The following ESRRG variants were observed in gnomAD, a reference collection of about 807,000 sequenced individuals.
The protein encoded by ESRRG is estrogen-related receptor gamma.
ESRRG carries 13 observed loss-of-function variants against 44.0 expected under a neutral mutation model. The ratio of observed to expected loss-of-function variants is 0.30; its 90% CI spans 0.19 to 0.47. The LOEUF is 0.47. Among genes scored for constraint, ESRRG ranks in the 20% least tolerant of loss-of-function variants. ESRRG has a pLI of 1.00. For missense variants in ESRRG, 395 were observed against 580.6 expected, an observed-to-expected ratio of 0.68 and a Z score of 3.29; for synonymous variants, 215 against 214.6, an observed-to-expected ratio of 1.00 and a Z score of -0.02.
chr1:216,660,624 G>A (rs947943169), intron 2 of ESRRG, among the ~76,000 whole-genome samples: 6 of 152,218 alleles, frequency 3.9e-5, no homozygotes, highest in African/African-American at 1.4e-4. Context: ...AGAGCACTTT[G>A]TGTAGCTGTT....
chr1:216,784,024 G>T (rs1559625836), intron 2 of ESRRG, among the ~76,000 whole-genome samples: 1 of 151,866 alleles, frequency 6.6e-6, no homozygotes, highest in Admixed American at 6.6e-5. Flanking sequence ...TTTCTTTCTT[G>T]ATCTCTTAGT....
chr1:216,866,593 A>G (rs1370209054), intron 2 of ESRRG, among the ~76,000 whole-genome samples: 1 of 144,168 alleles, frequency 6.9e-6, no homozygotes, highest in East Asian at 2.0e-4. Context: ...TTTCTTTGAG[A>G]TAGGGTCTTA....
chr1:216,860,680 C>T (rs950251393), intron 2 of ESRRG, among the ~76,000 whole-genome samples: 4 of 152,008 alleles, frequency 2.6e-5, no homozygotes, highest in African/African-American at 9.7e-5. Context: ...TATATTTGTA[C>T]GTATATACAA....
At chr1:216,704,110 G>C (rs2081991850) in intron 1 of ESRRG, among the ~76,000 whole-genome samples, 1 of 152,142 alleles carries the variant, frequency 6.6e-6, no homozygotes, top group Non-Finnish European at 1.5e-5. Context: ...TATAGACCTT[G>C]CTTATTTAAA....
intron 2 of ESRRG, among the ~76,000 whole-genome samples, chr1:216,739,532 T>C (rs1458317925): frequency 2.6e-5 from 4 of 152,144 alleles, no homozygotes; most frequent in African/African-American, 9.7e-5. Flanking sequence ...TTTATACCAG[T>C]AGTTCTCAAA....
chr1:216,978,471 G>A (rs901262915), intron 1 of ESRRG, among the ~76,000 whole-genome samples: 1 of 152,124 alleles, frequency 6.6e-6, no homozygotes, highest in African/African-American at 2.4e-5. Flanking sequence ...TTCACACAGA[G>A]AATAAAATTT....
At chr1:216,618,568 GCTTA>G (rs2061737312) in intron 3 of ESRRG, among the ~76,000 whole-genome samples, 1 of 152,078 alleles carries the variant, frequency 6.6e-6, no homozygotes. Context: ...ACATTATGTG[GCTTA>G]CTTTCATTTT....
chr1:216,535,229 C>T (rs1572481306), intron 5 of ESRRG, among the ~76,000 whole-genome samples: 1 of 152,234 alleles, frequency 6.6e-6, no homozygotes, highest in Non-Finnish European at 1.5e-5. Context: ...GCTGTGTAAA[C>T]TTCAGGCAGT....
intron 3 of ESRRG, among the ~76,000 whole-genome samples, chr1:216,606,598 A>AC (rs1157713165): frequency 2.6e-5 from 4 of 152,104 alleles, no homozygotes; most frequent in African/African-American, 9.7e-5. Flanking sequence ...CACTCCCCCC[A>AC]CAACCCAATT....
chr1:216,661,308 A>C (rs1358537038), intron 2 of ESRRG, among the ~76,000 whole-genome samples: 1 of 152,186 alleles, frequency 6.6e-6, no homozygotes, highest in African/African-American at 2.4e-5. Context: ...TGAGCTGACT[A>C]TAACCTCCAA....
chr1:216,535,295 C>T (rs927550872), intron 5 of ESRRG, among the ~76,000 whole-genome samples: 53 of 152,058 alleles, frequency 3.5e-4, no homozygotes, highest in Non-Finnish European at 2.8e-4. Context: ...CTGGATGATG[C>T]TCTCTCTGGT....
chr1:216,815,804 G>GTAGAC (rs2095117448), intron 2 of ESRRG, among the ~76,000 whole-genome samples: 2 of 152,346 alleles, frequency 1.3e-5, no homozygotes, highest in South Asian at 4.1e-4. Flanking sequence ...GCATAAGGGT[G>GTAGAC]TAGACTATTT....
intron 1 of ESRRG, among the ~76,000 whole-genome samples, chr1:217,037,752 C>T (rs961817575): frequency 6.6e-6 from 1 of 152,126 alleles, no homozygotes; most frequent in Non-Finnish European, 1.5e-5. Context: ...AAGTCCCTTC[C>T]ACCAAGAGCC....
At chr1:216,683,367 C>G (rs867882352) in intron 1 of ESRRG, among the ~76,000 whole-genome samples, 1 of 152,156 alleles carries the variant, frequency 6.6e-6, no homozygotes, top group Non-Finnish European at 1.5e-5. Flanking sequence ...TGAGCCCTAT[C>G]TAATAGAATG....
At chr1:216,678,378 T>A (rs1000808537) in intron 1 of ESRRG, among the ~76,000 whole-genome samples, 8 of 152,244 alleles carry the variant, frequency 5.3e-5, no homozygotes, top group African/African-American at 1.9e-4. Context: ...ATGTATATTA[T>A]CTGATACTAT....
chr1:216,951,487 C>T (rs1294272896), intron 1 of ESRRG, among the ~76,000 whole-genome samples: 1 of 152,054 alleles, frequency 6.6e-6, no homozygotes, highest in African/African-American at 2.4e-5. Flanking sequence ...GCTTATTGAT[C>T]TTACGGGCTT....
At chr1:216,779,981 G>A (rs2093867750) in intron 2 of ESRRG, among the ~76,000 whole-genome samples, 1 of 151,664 alleles carries the variant, frequency 6.6e-6, no homozygotes, top group South Asian at 2.1e-4. Flanking sequence ...TAAGATAGAA[G>A]CATGTTTGTT....
intron 3 of ESRRG, among the ~76,000 whole-genome samples, chr1:216,579,306 T>G (rs1160568653): frequency 6.6e-6 from 1 of 152,152 alleles, no homozygotes; most frequent in Non-Finnish European, 1.5e-5. Flanking sequence ...CCACTCCAGA[T>G]TCACATTAAA....
intron 5 of ESRRG, among the ~76,000 whole-genome samples, chr1:216,525,222 G>GT (rs1222474636): frequency 2.6e-5 from 4 of 152,116 alleles, no homozygotes; most frequent in African/African-American, 9.6e-5. Context: ...GTGAGTGGGA[G>GT]TTTTTTTTAA....
Sources: allele counts gnomAD v4.1 joint callset (sites outside exome capture counted in the v4.1 genomes callset), GRCh38; gene constraint gnomAD v4.1.1; transcripts MANE v1.5; gene names NCBI Gene and HGNC (gene_info 2026-07-23, HGNC 2026-07-21).